IQGAP1: variants seen among roughly 807,000 people sequenced by gnomAD.
IQGAP1 encodes the protein IQ motif containing GTPase activating protein 1.
A neutral mutation model predicts 215.6 loss-of-function variants in IQGAP1; 66 were observed. The ratio of observed to expected loss-of-function variants is 0.31; its 90% CI spans 0.25 to 0.38. IQGAP1 has a LOEUF of 0.38. Ranked by LOEUF, IQGAP1 falls within the 10% of genes least tolerant of loss-of-function variation. IQGAP1 has a pLI of 1.00. For missense variants in IQGAP1, 1,712 were observed against 1,997.1 expected, an observed-to-expected ratio of 0.86 and a Z score of 2.72; for synonymous variants, 772 against 728.7, an observed-to-expected ratio of 1.06 and a Z score of -0.96.
rs1404947100 is a variant in IQGAP1, at chr15:90,422,624, A to ATG, written c.156-3484_156-3483dup. On this transcript the variant is annotated intron_variant, in intron 2 of 37. Transcript: ENST00000268182. ...TTGTCTCATTCATATATATATATATATGTATATATATATATGTATATGTAT... is the reference window on the plus strand; with the variant it reads ...TTGTCTCATTCATATATATATATATATGTGTATATATATATATGTATATGTAT... Among the ~76,000 whole-genome samples the ATG allele has an allele frequency of 3.5e-5, 3 of 85,722 alleles. 1 individual carries two copies. In the East Asian group the frequency reaches 7.7e-4, roughly 22 times the overall value. The allele number at this position is 85,722 out of a possible 152,430, so 56.2% of individuals were successfully genotyped here. A position where few individuals can be genotyped will look rare whatever the true frequency, so the allele number is the denominator to read the frequency against.
intron 2 of IQGAP1, among the ~76,000 whole-genome samples, chr15:90,409,512 A>G (rs929866185): frequency 7.2e-5 from 11 of 152,140 alleles, no homozygotes; most frequent in African/African-American, 2.4e-4. Context: ...TGCTGGGATT[A>G]CAGACGTGAG....
intron 25 of IQGAP1, among the ~76,000 whole-genome samples, 161 bp from the exon 26 acceptor site, chr15:90,477,504 A>G (rs1027849297): frequency 1.1e-4 from 16 of 151,612 alleles, no homozygotes; most frequent in Admixed American, 3.3e-4. Flanking sequence ...AGCGGACCCA[A>G]TCATGACCAC....
intron 2 of IQGAP1, among the ~76,000 whole-genome samples, chr15:90,416,184 CA>C (rs1402270839): frequency 6.6e-6 from 1 of 151,888 alleles, no homozygotes; most frequent in African/African-American, 2.4e-5. Flanking sequence ...CCCTACCCCA[CA>C]ACAGGCCCCA....
Position 90,388,295 on chromosome 15 carries a change from C to T in IQGAP1, c.-47C>T, listed in dbSNP as rs753320027. The T allele has an allele frequency of 1.9e-6, 3 of 1,595,450 alleles. No individual in the cohort carries two copies. The highest frequency in any genetic ancestry group is 2.6e-6 in the Non-Finnish European group (3 of 1,171,892). ...GAGCTGTAGCTACCGCCGTCCGCGC[C>T]TCCAAGGTTTCACGGCTTCCTCAGC... On this transcript the variant is annotated 5_prime_UTR_variant, in exon 1 of 38. Transcript: ENST00000268182.
At chr15:90,469,729 T>A (rs536187894) in intron 18 of IQGAP1, among the ~76,000 whole-genome samples, 95 of 152,252 alleles carry the variant, frequency 6.2e-4, no homozygotes, top group Non-Finnish European at 1.2e-3. Context: ...AGATAATATT[T>A]TAGCAGCTGA....
chr15:90,394,434 G>A (rs1005043228), intron 2 of IQGAP1, among the ~76,000 whole-genome samples: 1 of 152,200 alleles, frequency 6.6e-6, no homozygotes, highest in African/African-American at 2.4e-5. Context: ...GGTGAGAAAA[G>A]AGGACTAGAA....
intron 1 of IQGAP1, among the ~76,000 whole-genome samples, chr15:90,390,302 TCA>T (rs923624288): frequency 2.0e-5 from 3 of 152,262 alleles, no homozygotes; most frequent in Admixed American, 6.5e-5. Context: ...TCACCCAGCC[TCA>T]GTTTCTTCGT....
intron 18 of IQGAP1, among the ~76,000 whole-genome samples, chr15:90,471,852 C>T (rs1004305138): frequency 2.9e-5 from 4 of 137,384 alleles, no homozygotes; most frequent in East Asian, 4.4e-4. Context: ...AAAAAAAAAT[C>T]GAGGCTCTGG....
chr15:90,471,837 G>GA (rs374705456), intron 18 of IQGAP1, among the ~76,000 whole-genome samples: 55,080 of 144,978 alleles, frequency 0.38, 11,686 homozygotes, highest in African/African-American at 0.55. Context: ...GTGTTGCCCA[G>GA]AAAAAAAAAA....
chr15:90,419,224 T>C (rs187465127), intron 2 of IQGAP1, among the ~76,000 whole-genome samples: 2 of 152,168 alleles, frequency 1.3e-5, no homozygotes. Flanking sequence ...CAGATAATCT[T>C]GGAATATACT....
intron 2 of IQGAP1, among the ~76,000 whole-genome samples, chr15:90,395,913 C>A (rs1298798673): frequency 6.6e-6 from 1 of 152,168 alleles, no homozygotes. Context: ...TCAGACAATT[C>A]CTGGTGTGCG....
At chr15:90,443,161 A>G (rs1017621147) in intron 8 of IQGAP1, among the ~76,000 whole-genome samples, 1 of 152,120 alleles carries the variant, frequency 6.6e-6, no homozygotes, top group Non-Finnish European at 1.5e-5. Context: ...GGGTCTCGCT[A>G]TGTTGCCCAG....
At chr15:90,408,696 C>T (rs552131658) in intron 2 of IQGAP1, among the ~76,000 whole-genome samples, 2 of 152,290 alleles carry the variant, frequency 1.3e-5, no homozygotes, top group Admixed American at 6.5e-5. Context: ...CTTCCTGCAT[C>T]GTGGCTTGAT....
At chr15:90,399,361 TCTTA>T (rs2151002626) in intron 2 of IQGAP1, among the ~76,000 whole-genome samples, 1 of 152,350 alleles carries the variant, frequency 6.6e-6, no homozygotes, top group African/African-American at 2.4e-5. Context: ...TTAAACATTT[TCTTA>T]CATATTTGTT....
At chr15:90,486,732 G>A in intron 31 of IQGAP1, 1 of 528,424 alleles carries the variant, frequency 1.9e-6, no homozygotes, top group Admixed American at 3.5e-5. Context: ...ATATTGTAGT[G>A]TTGAAATGAT....
intron 2 of IQGAP1, among the ~76,000 whole-genome samples, chr15:90,400,531 T>C (rs780305614): frequency 1.3e-5 from 2 of 152,200 alleles, no homozygotes; most frequent in Non-Finnish European, 2.9e-5. Context: ...TTACATAGTT[T>C]ACCACTTCCC....
chr15:90,444,849 AAAAGG>A (rs1468689912), intron 9 of IQGAP1, among the ~76,000 whole-genome samples: 10 of 152,208 alleles, frequency 6.6e-5, no homozygotes, highest in African/African-American at 2.4e-4. Flanking sequence ...TTTATGACTT[AAAAGG>A]AATCTGGGCC....
intron 2 of IQGAP1, among the ~76,000 whole-genome samples, chr15:90,401,545 C>G (rs1425303697): frequency 6.6e-6 from 1 of 152,348 alleles, no homozygotes; most frequent in South Asian, 2.1e-4. Context: ...CTCTCCCCCT[C>G]TTCCTCATTG....
chr15:90,416,979 T>A (rs1176646104), intron 2 of IQGAP1, among the ~76,000 whole-genome samples: 2 of 152,210 alleles, frequency 1.3e-5, no homozygotes, highest in Non-Finnish European at 2.9e-5. Context: ...GACCATTTTT[T>A]CATGTGTCTG....
Sources: allele counts gnomAD v4.1 joint callset (sites outside exome capture counted in the v4.1 genomes callset), GRCh38; gene constraint gnomAD v4.1.1; transcripts MANE v1.5; gene names NCBI Gene and HGNC (gene_info 2026-07-23, HGNC 2026-07-21).